The following ITPR3 variants were observed in gnomAD, a reference collection of about 807,000 sequenced individuals.
ITPR3 encodes inositol 1,4,5-trisphosphate-gated calcium channel ITPR3.
Under a neutral mutation model 293.2 loss-of-function variants are expected in ITPR3, and 173 were observed. That is an observed-to-expected ratio of 0.59 (90% CI 0.52 to 0.67). The LOEUF is 0.67. Among genes scored for constraint, ITPR3 ranks in the 30% least tolerant of loss-of-function variants. ITPR3 has a pLI of 0.00. For missense variants in ITPR3, 2,796 were observed against 3,592.1 expected, an observed-to-expected ratio of 0.78 and a Z score of 5.66; for synonymous variants, 1,295 against 1,444.4, an observed-to-expected ratio of 0.90 and a Z score of 2.35.
At position 33,638,494 on chromosome 6, in the gene ITPR3, T is replaced by C. The variant is rs923813976; in HGVS notation, c.90-1990T>C. The stretch of plus-strand genomic sequence containing the variant: ...CACCTCATTAACATAAAACCAGGTG[T>C]GGTTGAAAGAGGCTTGGAATGAACA... On this transcript the variant is annotated intron_variant, in intron 1 of 57. Coordinates refer to ENST00000605930, the MANE Select transcript of ITPR3 (RefSeq NM_002224.4). The surrounding 1 kb of genome is among the most constrained non-coding windows in gnomAD (Gnocchi z 4.3). Among the ~76,000 whole-genome samples the C allele has an allele frequency of 5.9e-5, 9 of 152,188 alleles. No homozygotes were observed. The highest frequency in any genetic ancestry group is 1.7e-4 in the African/African-American group (7 of 41,452).
At chr6:33,677,449 A>T (rs1391437896) in intron 27 of ITPR3, 55 bp from the exon 28 acceptor site, 1 of 1,602,056 alleles carries the variant, frequency 6.2e-7, no homozygotes, top group Non-Finnish European at 8.5e-7. Flanking sequence ...TGGGCTGGGC[A>T]GAGGGCAGCC....
Position 33,672,229 on chromosome 6 carries a change from G to T in ITPR3, c.2928+1G>T. On this transcript the variant is annotated splice_donor_variant, in intron 22 of 57. Coordinates refer to ENST00000605930, the MANE Select transcript of ITPR3 (RefSeq NM_002224.4). LOFTEE classifies it high-confidence loss of function. This position sits in a 1 kb window ranked among gnomAD's most constrained non-coding sequence, Gnocchi z 5.0. ...GCTGAAGATCCTGGAAATCCTTCAG[G>T]TGCCTGGGCCAGGACCGTGTGGGAG... is the stretch of plus-strand genomic sequence containing the variant. 3 of 1,613,454 alleles carry T rather than the reference G, an allele frequency of 1.9e-6. No homozygotes were observed. The highest frequency in any genetic ancestry group is 2.5e-6 in the Non-Finnish European group (3 of 1,179,804).
At chr6:33,665,742 T>G in intron 13 of ITPR3, 93 bp from the exon 14 acceptor site, 1 of 1,443,990 alleles carries the variant, frequency 6.9e-7, no homozygotes, top group East Asian at 2.3e-5. Context: ...AGTGAACTCA[T>G]GAAAGCCATG....
chr6:33,694,737 G>C, intron 56 of ITPR3, 187 bp from the exon 57 acceptor site: 10 of 667,016 alleles, frequency 1.5e-5, no homozygotes, highest in Non-Finnish European at 2.5e-5. Flanking sequence ...GTTGACAAGA[G>C]GGTTGACTGC....
chr6:33,647,858 C>A (rs928708980), intron 2 of ITPR3, among the ~76,000 whole-genome samples: 1 of 152,116 alleles, frequency 6.6e-6, no homozygotes, highest in Non-Finnish European at 1.5e-5. Flanking sequence ...AGAGCAGGTG[C>A]GCTCCGAGAA....
intron 56 of ITPR3, among the ~76,000 whole-genome samples, chr6:33,694,028 T>A (rs1293337193): frequency 6.6e-6 from 1 of 152,072 alleles, no homozygotes; most frequent in African/African-American, 2.4e-5. Flanking sequence ...AGAACACGTG[T>A]GGTATCCCTG....
At chr6:33,649,248 G>A (rs193121213) in intron 2 of ITPR3, among the ~76,000 whole-genome samples, 41 of 151,642 alleles carry the variant, frequency 2.7e-4, no homozygotes, top group Admixed American at 4.6e-4. Flanking sequence ...GTTTTGAGAT[G>A]GAGTTTCACT....
rs1300301550 is a variant in ITPR3, at chr6:33,688,370, C to T, written c.6507C>T (p.Ser2169=). ...TEQDEQGSKV[S]DFFDQSSFLH... ...AGGACGAGCAGGGCAGCAAAGTGAGCGACTTCTTCGACCAGTCCTCCTTCC... is the reference window on the plus strand; with the variant it reads ...AGGACGAGCAGGGCAGCAAAGTGAGTGACTTCTTCGACCAGTCCTCCTTCC... Residue 2169 remains serine, a synonymous_variant, in exon 48 of 58, where the codon AGC becomes AGT. Transcript: ENST00000605930. The T allele has an allele frequency of 5.6e-6, 9 of 1,607,350 alleles. No individual in the cohort carries two copies. Among genetic ancestry groups the T allele is most frequent in the Admixed American group, 1.7e-5 (1 of 59,698 alleles).
chr6:33,684,888 A>G lies in ITPR3; in HGVS notation c.5252A>G (p.Gln1751Arg), dbSNP rs983249436. Reference sequence around the variant, plus strand: ...AGCACCAAGAACGAGAAGATCTTCCAGGAGAGCATCGGCCTGGCCATCCAC... The same window carrying G: ...AGCACCAAGAACGAGAAGATCTTCCGGGAGAGCATCGGCCTGGCCATCCAC... ...ITSTKNEKIF[Q>R]ESIGLAIHLL... The change falls in exon 39 of 58, where the codon CAG becomes CGG. Residue 1751 changes from glutamine (Q) to arginine (R), a missense_variant. Transcript: ENST00000605930. The surrounding 1 kb of genome is among the most constrained non-coding windows in gnomAD (Gnocchi z 4.2). 7.4e-6 allele frequency: 12 copies of G among 1,613,948 alleles called. No homozygotes were observed. The highest frequency in any genetic ancestry group is 1.0e-5 in the Non-Finnish European group (12 of 1,179,990).
Position 33,655,832 on chromosome 6 carries a change from A to C in ITPR3, c.227A>C (p.Gln76Pro). 6.2e-7 allele frequency: 1 copy of C among 1,614,140 alleles called. No individual in the cohort carries two copies. Among genetic ancestry groups the C allele is most frequent in the Non-Finnish European group, 8.5e-7 (1 of 1,180,022 alleles). Residue 76 changes from glutamine to proline, a missense_variant, in exon 3 of 58, where the codon CAG becomes CCG. By Grantham distance (76) the Gln-to-Pro change is moderately conservative. Transcript: ENST00000605930. This position sits in a 1 kb window ranked among gnomAD's most constrained non-coding sequence, Gnocchi z 4.9. Reference protein sequence around the residue: ...SAQKQYWKAKQTKQDKEKIAD... With the variant: ...SAQKQYWKAKPTKQDKEKIAD... ...CAGAAGCAGTACTGGAAGGCCAAGC[A>C]GACTAAGCAGGACAAGGAGAAGATC...
rs947444395 is a variant in ITPR3, at chr6:33,689,308, C to T, written c.6765C>T (p.Phe2255=). 1 of 1,612,794 alleles carries T rather than the reference C, an allele frequency of 6.2e-7. No homozygotes were observed. The highest frequency in any genetic ancestry group is 8.5e-7 in the Non-Finnish European group (1 of 1,180,040). The change falls in exon 50 of 58, where the codon TTC becomes TTT. Residue 2255 remains phenylalanine (F), a synonymous_variant. Transcript: ENST00000605930. The part of the protein sequence containing the change: ...ILICFSIAAL[F]TKRYSIRPLI... ...TCTGCTTCTCCATCGCGGCCCTGTT[C>T]ACCAAGCGCTACAGCATCCGCCCCC...
At position 33,654,006 on chromosome 6, in the gene ITPR3, G is replaced by A. The variant is rs1257575434; in HGVS notation, c.161-1760G>A. Among the ~76,000 whole-genome samples the A allele has an allele frequency of 6.6e-6, 1 of 152,190 alleles. No individual in the cohort carries two copies. Among genetic ancestry groups the A allele is most frequent in the Non-Finnish European group, 1.5e-5 (1 of 68,044 alleles). The stretch of plus-strand genomic sequence containing the variant: ...CTCTCTGCCGGGCGTGGTGGCTCAC[G>A]CCTGTAATCCCAGCACTTTTGTAGG... On this transcript the variant is annotated intron_variant, in intron 2 of 57. Transcript: ENST00000605930. The surrounding 1 kb of genome is among the most constrained non-coding windows in gnomAD (Gnocchi z 4.1).
At chr6:33,630,181 G>A (rs1243095350) in intron 1 of ITPR3, among the ~76,000 whole-genome samples, 2 of 152,126 alleles carry the variant, frequency 1.3e-5, no homozygotes, top group Non-Finnish European at 2.9e-5. Context: ...ACAGCGCCCC[G>A]CCCTCATCTC....
intron 7 of ITPR3, among the ~76,000 whole-genome samples, chr6:33,662,017 A>AAAAC (rs1764485009): frequency 6.8e-6 from 1 of 147,752 alleles, no homozygotes; most frequent in Non-Finnish European, 1.5e-5. Flanking sequence ...AAAAAAAAAA[A>AAAAC]GACAGGATCC....
rs1221193286 is a variant in ITPR3, at chr6:33,687,415, G to GCCCCCCAGCCACCATGTCC, written c.6178-59_6178-41dup. 3 of 1,519,638 alleles carry GCCCCCCAGCCACCATGTCC rather than the reference G, an allele frequency of 2.0e-6. No homozygotes were observed. In the South Asian group the frequency reaches 3.5e-5, roughly 18 times the overall value. The allele number at this position is 1,519,638 out of a possible 1,614,324, so 94.1% of individuals were successfully genotyped here. A position where few individuals can be genotyped will look rare whatever the true frequency, so the allele number is the denominator to read the frequency against. On this transcript the variant is annotated intron_variant, in intron 45 of 57. Transcript: ENST00000605930. This position sits in a 1 kb window ranked among gnomAD's most constrained non-coding sequence, Gnocchi z 5.3. ...CCATCATCCCCCAGTCGCCATTGTCGCCCCCCAGCCACCATGTCCCCCAGC... is the reference window on the plus strand; with the variant it reads ...CCATCATCCCCCAGTCGCCATTGTCGCCCCCCAGCCACCATGTCCCCCCCCAGCCACCATGTCCCCCAGC...
chr6:33,685,142 G>A lies in ITPR3; in HGVS notation c.5307+199G>A, dbSNP rs181374343. 1.6e-3 allele frequency among the ~76,000 whole-genome samples: 240 copies of A among 152,290 alleles called. 1 individual carries two copies. The highest frequency in any genetic ancestry group is 5.0e-3 in the African/African-American group (208 of 41,560). Reference sequence around the variant, plus strand: ...GGCTCAGGCCTGGCTGGGGCAGAGGGGTATGCGGGGGTGATGAAAGGACCA... The same window carrying A: ...GGCTCAGGCCTGGCTGGGGCAGAGGAGTATGCGGGGGTGATGAAAGGACCA... On this transcript the variant is annotated intron_variant, in intron 39 of 57. Coordinates refer to ENST00000605930, the MANE Select transcript of ITPR3 (RefSeq NM_002224.4).
Position 33,669,133 on chromosome 6 carries a change from CGAG to C in ITPR3, c.2167_2169del (p.Glu723del). ...AGGCGCGGGCCGGCAACGCCCACGACGAGAATGTGCTCAGCTACTACAGGTGCC... is the reference window on the plus strand; with the variant it reads ...AGGCGCGGGCCGGCAACGCCCACGACAATGTGCTCAGCTACTACAGGTGCC... On this transcript the variant is annotated inframe_deletion, in exon 18 of 58. Transcript: ENST00000605930. The C allele has an allele frequency of 6.2e-7, 1 of 1,613,972 alleles. No individual in the cohort carries two copies. Among genetic ancestry groups the C allele is most frequent in the Non-Finnish European group, 8.5e-7 (1 of 1,179,948 alleles).
rs778283413 is a variant in ITPR3, at chr6:33,684,756, A to G, written c.5138-18A>G. On this transcript the variant is annotated intron_variant, in intron 38 of 57. Transcript: ENST00000605930. This position sits in a 1 kb window ranked among gnomAD's most constrained non-coding sequence, Gnocchi z 4.2. ...CTCCTGTCACACCAGCTCTCCCTCAACCGAGTCCCGCCTCCAGGCCTGGAC... is the reference window on the plus strand; with the variant it reads ...CTCCTGTCACACCAGCTCTCCCTCAGCCGAGTCCCGCCTCCAGGCCTGGAC... 1.6e-5 allele frequency: 26 copies of G among 1,609,332 alleles called. No homozygotes were observed. Among genetic ancestry groups the G allele is most frequent in the Admixed American group, 3.3e-5 (2 of 59,832 alleles).
rs1582090006 is a variant in ITPR3 at position 33,621,765 on chromosome 6, C to T, written c.89+74C>T. 6.3e-6 allele frequency: 7 copies of T among 1,114,946 alleles called. No homozygotes were observed. The highest frequency in any genetic ancestry group is 9.3e-6 in the Non-Finnish European group (7 of 756,044). The allele number at this position is 1,114,946 out of a possible 1,614,324, so 69.1% of individuals were successfully genotyped here. On this transcript the variant is annotated intron_variant, in intron 1 of 57. Coordinates refer to ENST00000605930, the MANE Select transcript of ITPR3 (RefSeq NM_002224.4). The surrounding 1 kb of genome is among the most constrained non-coding windows in gnomAD (Gnocchi z 7.7). Reference sequence around the variant, plus strand: ...GGGCCCTGGTGCCAGCTGCGTGCGTCCAGCCGCCGCCCCCCGATAGAGGCC... The same window carrying T: ...GGGCCCTGGTGCCAGCTGCGTGCGTTCAGCCGCCGCCCCCCGATAGAGGCC...
Sources: gnomAD v4.1 joint callset for allele counts (sites outside exome capture counted in the v4.1 genomes callset) on GRCh38, gnomAD v4.1.1 for gene constraint, Gnocchi (gnomAD v3.1) non-coding constraint, MANE v1.5 for transcripts, NCBI Gene and HGNC (gene_info 2026-07-23, HGNC 2026-07-21) for gene names.